Variants in RAPGEF4 observed in about 807,000 individuals in gnomAD.
RAPGEF4 encodes the protein RAP guanine-nucleotide-exchange factor (GEF) 4.
In RAPGEF4, 66 loss-of-function variants were observed where a neutral mutation model predicts 147.9. That is an observed-to-expected ratio of 0.45 (90% confidence interval 0.37 to 0.55). RAPGEF4 has a LOEUF of 0.55. RAPGEF4 is among the 20% of genes least tolerant of loss of function. RAPGEF4 has a pLI of 0.00. For missense variants in RAPGEF4, 1,071 were observed against 1,257.3 expected, an observed-to-expected ratio of 0.85 and a Z score of 2.24; for synonymous variants, 419 against 442.7, an observed-to-expected ratio of 0.95 and a Z score of 0.67.
At chr2:172,824,934 T>C (rs1360951567) in intron 4 of RAPGEF4, among the ~76,000 whole-genome samples, 2 of 152,252 alleles carry the variant, frequency 1.3e-5, no homozygotes, top group Admixed American at 1.3e-4. Context: ...AGGAAAAGAA[T>C]CACTAGTTTG....
intron 4 of RAPGEF4, among the ~76,000 whole-genome samples, chr2:172,824,571 C>A (rs1038997642): frequency 6.6e-6 from 1 of 152,264 alleles, no homozygotes; most frequent in East Asian, 1.9e-4. Context: ...TAATGGCAGT[C>A]AGTACTTTAG....
chr2:172,738,217 G>A (rs28455553), intron 1 of RAPGEF4, among the ~76,000 whole-genome samples: 23,964 of 152,138 alleles, frequency 0.16, 2,007 homozygotes, highest in Non-Finnish European at 0.18. Flanking sequence ...GAGAAATGCT[G>A]TCTTGATCCT....
intron 1 of RAPGEF4, among the ~76,000 whole-genome samples, chr2:172,758,322 T>C (rs779293457): frequency 2.0e-5 from 3 of 152,102 alleles, no homozygotes; most frequent in Admixed American, 6.6e-5. Context: ...TGAGGGCAGA[T>C]CACATAGGAA....
At chr2:172,980,450 A>G (rs1691555573) in intron 10 of RAPGEF4, among the ~76,000 whole-genome samples, 1 of 152,104 alleles carries the variant, frequency 6.6e-6, no homozygotes, top group Non-Finnish European at 1.5e-5. Flanking sequence ...GGCTGAACAC[A>G]ATACAAGGGA....
At chr2:172,823,569 T>G (rs749151919) in intron 4 of RAPGEF4, among the ~76,000 whole-genome samples, 11 of 152,114 alleles carry the variant, frequency 7.2e-5, no homozygotes, top group Non-Finnish European at 1.5e-4. Flanking sequence ...GAAAGCCCTG[T>G]GGTCATGGGA....
chr2:173,030,338 T>C (rs535747483), intron 26 of RAPGEF4, 84 bp downstream of exon 26: 11 of 1,042,588 alleles, frequency 1.1e-5, no homozygotes, highest in Non-Finnish European at 1.6e-5. Context: ...AATAGAAATA[T>C]CACTCACACT....
intron 29 of RAPGEF4, among the ~76,000 whole-genome samples, chr2:173,046,235 G>A (rs965117104): frequency 6.6e-6 from 1 of 152,154 alleles, no homozygotes; most frequent in Non-Finnish European, 1.5e-5. Flanking sequence ...ATTTAGAAAG[G>A]TAGAATGAAC....
intron 21 of RAPGEF4, among the ~76,000 whole-genome samples, chr2:173,017,993 C>T (rs72909446): frequency 0.057 from 8,608 of 152,214 alleles, 331 homozygotes; most frequent in East Asian, 0.1. Context: ...AAAATAGTCA[C>T]AATAATAATG....
chr2:172,923,717 G>C (rs1684997450), intron 6 of RAPGEF4, among the ~76,000 whole-genome samples: 1 of 152,168 alleles, frequency 6.6e-6, no homozygotes, highest in African/African-American at 2.4e-5. Context: ...TTTAAAATGT[G>C]GATGTTACCT....
At chr2:172,754,312 A>C (rs865834232) in intron 1 of RAPGEF4, among the ~76,000 whole-genome samples, 1 of 152,200 alleles carries the variant, frequency 6.6e-6, no homozygotes, top group South Asian at 2.1e-4. Flanking sequence ...CATGTGGCTT[A>C]AGTTTTTCCT....
chr2:173,045,748 T>C (rs1003246881), intron 29 of RAPGEF4, among the ~76,000 whole-genome samples: 1 of 152,126 alleles, frequency 6.6e-6, no homozygotes, highest in Non-Finnish European at 1.5e-5. Context: ...AACAGGCTAT[T>C]TTTGGAGGTA....
At chr2:173,011,205 C>T (rs925049152) in intron 17 of RAPGEF4, among the ~76,000 whole-genome samples, 1 of 151,970 alleles carries the variant, frequency 6.6e-6, no homozygotes, top group African/African-American at 2.4e-5. Context: ...CACACACACA[C>T]ACACGGAATC....
chr2:172,987,532 A>T (rs1460221930), intron 12 of RAPGEF4, among the ~76,000 whole-genome samples: 5 of 152,160 alleles, frequency 3.3e-5, no homozygotes, highest in Non-Finnish European at 7.4e-5. Context: ...AAGAAAGTGG[A>T]TGGTTGTGTC....
At chr2:172,884,895 A>G (rs532905233) in intron 4 of RAPGEF4, among the ~76,000 whole-genome samples, 4 of 152,294 alleles carry the variant, frequency 2.6e-5, no homozygotes, top group Admixed American at 6.5e-5. Flanking sequence ...GCCTTGATTT[A>G]TTTACTTTCT....
chr2:172,768,260 C>T (rs1454613718), intron 1 of RAPGEF4, among the ~76,000 whole-genome samples: 1 of 151,980 alleles, frequency 6.6e-6, no homozygotes, highest in African/African-American at 2.4e-5. Context: ...GATGTATGGA[C>T]CAGCAGACAA....
At chr2:172,788,851 G>C (rs961357814) in intron 1 of RAPGEF4, among the ~76,000 whole-genome samples, 3 of 152,106 alleles carry the variant, frequency 2.0e-5, no homozygotes, top group Non-Finnish European at 1.5e-5. Flanking sequence ...CCATAATCAT[G>C]CCACTGCAAT....
intron 4 of RAPGEF4, among the ~76,000 whole-genome samples, chr2:172,823,125 G>T (rs771213427): frequency 6.6e-6 from 1 of 152,170 alleles, no homozygotes; most frequent in Non-Finnish European, 1.5e-5. Context: ...CAAGGGCCTC[G>T]TTTCATCCAA....
At chr2:173,038,730 A>G (rs1274522334) in intron 29 of RAPGEF4, among the ~76,000 whole-genome samples, 2 of 152,074 alleles carry the variant, frequency 1.3e-5, no homozygotes, top group Non-Finnish European at 2.9e-5. Context: ...CTGCACATGT[A>G]TCCTGGAACA....
chr2:172,887,164 G>A (rs1255798518), intron 4 of RAPGEF4, among the ~76,000 whole-genome samples: 6 of 150,212 alleles, frequency 4.0e-5, no homozygotes, highest in East Asian at 3.9e-4. Context: ...TCCGCAGTCC[G>A]GCCTGGGCGA....
Sources: allele counts gnomAD v4.1 joint callset (sites outside exome capture counted in the v4.1 genomes callset), GRCh38; gene constraint gnomAD v4.1.1; transcripts MANE v1.5; gene names NCBI Gene and HGNC (gene_info 2026-07-23, HGNC 2026-07-21).